The following GRM7 variants were observed in gnomAD, a reference collection of about 807,000 sequenced individuals.
GRM7 encodes glutamate metabotropic receptor 7.
Under a neutral mutation model 84.5 loss-of-function variants are expected in GRM7, and 35 were observed. The observed-to-expected ratio is 0.41, with a 90% CI of 0.32 to 0.55. The LOEUF is 0.55. Ranked by LOEUF, GRM7 falls within the 20% of genes least tolerant of loss-of-function variation. The pLI is 0.19. For synonymous variants in GRM7, 487 were observed against 455.1 expected (o/e 1.07, Z -0.89); for missense variants, 1,003 against 1,194.6 (o/e 0.84, Z 2.36).
intron 1 of GRM7, among the ~76,000 whole-genome samples, chr3:7,020,625 G>C (rs12496872): frequency 0.41 from 62,644 of 152,004 alleles, 13,979 homozygotes; most frequent in South Asian, 0.58. Context: ...ATCACAATTC[G>C]AATGAATGTA....
chr3:7,418,577 C>T (rs574277143), intron 5 of GRM7, among the ~76,000 whole-genome samples: 3 of 152,108 alleles, frequency 2.0e-5, no homozygotes, highest in African/African-American at 7.2e-5. Context: ...TTTATGTTCC[C>T]CTACCCACAG....
chr3:7,527,937 T>C (rs567192171), intron 7 of GRM7, among the ~76,000 whole-genome samples: 3 of 150,906 alleles, frequency 2.0e-5, no homozygotes, highest in South Asian at 4.2e-4. Context: ...TGGTATTTTG[T>C]TGAGAATTGC....
At chr3:7,238,807 C>T (rs1403833164) in intron 2 of GRM7, among the ~76,000 whole-genome samples, 1 of 147,012 alleles carries the variant, frequency 6.8e-6, no homozygotes, top group Non-Finnish European at 1.5e-5. Context: ...CTCTCCTCTC[C>T]TCTCCTTTTC....
chr3:7,454,456 A>G (rs1372885865), intron 6 of GRM7, among the ~76,000 whole-genome samples: 1 of 152,192 alleles, frequency 6.6e-6, no homozygotes, highest in Non-Finnish European at 1.5e-5. Flanking sequence ...AATCATAATT[A>G]TATTATAAAC....
intron 1 of GRM7, among the ~76,000 whole-genome samples, chr3:6,913,564 G>A (rs1696844522): frequency 6.6e-6 from 1 of 152,108 alleles, no homozygotes; most frequent in African/African-American, 2.4e-5. Flanking sequence ...TGGTTACGAA[G>A]TTCTTAACTT....
intron 7 of GRM7, among the ~76,000 whole-genome samples, chr3:7,501,044 A>G (rs1397003178): frequency 1.3e-5 from 2 of 152,212 alleles, no homozygotes; most frequent in African/African-American, 4.8e-5. Context: ...CACAGTATCA[A>G]TGAAGTAAAA....
intron 1 of GRM7, among the ~76,000 whole-genome samples, chr3:7,110,591 T>TCTCACACA (rs1553618428): frequency 4.4e-4 from 63 of 143,748 alleles, no homozygotes; most frequent in African/African-American, 1.6e-3. Context: ...CGATACTCTG[T>TCTCACACA]CACACACACA....
rs142026130 is a variant in GRM7 at position 7,551,911 on chromosome 3, A to G, written c.1516-26511A>G. Among the ~76,000 whole-genome samples, 15 of 152,348 alleles carry G rather than the reference A, an allele frequency of 9.8e-5. No homozygotes were observed. The East Asian group carries it at 2.7e-3, about 27-fold the overall frequency. ...AGGCTGGGGAGGCTTCAGGAGACTT[A>G]CAATACTGTCAAATGGCAAAGAGGA... On this transcript the variant is annotated intron_variant, in intron 7 of 9. Transcript: ENST00000357716.
intron 1 of GRM7, among the ~76,000 whole-genome samples, chr3:7,125,357 C>T (rs1693365919): frequency 6.6e-6 from 1 of 152,156 alleles, no homozygotes; most frequent in Non-Finnish European, 1.5e-5. Context: ...CAAGAAGAGT[C>T]TCAAAAACAA....
chr3:7,039,156 T>C (rs1696498796), intron 1 of GRM7, among the ~76,000 whole-genome samples: 1 of 152,174 alleles, frequency 6.6e-6, no homozygotes, highest in Non-Finnish European at 1.5e-5. Context: ...GAAAATGATC[T>C]CAAACAACCT....
chr3:7,018,809 T>A (rs1450142728), intron 1 of GRM7, among the ~76,000 whole-genome samples: 1 of 152,164 alleles, frequency 6.6e-6, no homozygotes, highest in Non-Finnish European at 1.5e-5. Flanking sequence ...AAAAGTAAGT[T>A]TTGTGGGCCA....
intron 7 of GRM7, among the ~76,000 whole-genome samples, chr3:7,468,802 C>T (rs1236554830): frequency 6.6e-6 from 1 of 152,156 alleles, no homozygotes; most frequent in Non-Finnish European, 1.5e-5. Context: ...CCACTGCTTT[C>T]ACTCCTTTCT....
In GRM7 at chr3:7,188,331, A is replaced by G. The variant is rs80044941; in HGVS notation, c.736+41663A>G. On this transcript the variant is annotated intron_variant, in intron 2 of 9. Coordinates refer to ENST00000357716, the MANE Select transcript of GRM7 (RefSeq NM_000844.4). The surrounding 1 kb of genome is among the most constrained non-coding windows in gnomAD (Gnocchi z 4.2). Reference sequence around the variant, plus strand: ...AGAACTTTATAGGTAGGTATGTTATATAATATAATCTGTAATTAAAACTTT... The same window carrying G: ...AGAACTTTATAGGTAGGTATGTTATGTAATATAATCTGTAATTAAAACTTT... Among the ~76,000 whole-genome samples the G allele has an allele frequency of 5.3e-5, 8 of 152,310 alleles. No individual in the cohort carries two copies. In the East Asian group the frequency reaches 1.5e-3, roughly 29 times the overall value.
chr3:6,986,120 T>C (rs1451612239), intron 1 of GRM7, among the ~76,000 whole-genome samples: 1 of 152,174 alleles, frequency 6.6e-6, no homozygotes, highest in Non-Finnish European at 1.5e-5. Flanking sequence ...CTGTACAATA[T>C]AGTAGCTATT....
At chr3:7,601,448 T>C (rs1383068646) in intron 8 of GRM7, among the ~76,000 whole-genome samples, 1 of 151,998 alleles carries the variant, frequency 6.6e-6, no homozygotes, top group Non-Finnish European at 1.5e-5. Context: ...AGTAAATAAG[T>C]ACATGTTGAA....
chr3:7,154,063 G>A (rs542103243), intron 2 of GRM7, among the ~76,000 whole-genome samples: 2 of 152,296 alleles, frequency 1.3e-5, no homozygotes, highest in Non-Finnish European at 2.9e-5. Flanking sequence ...ATACTTGAAT[G>A]TTGCAAGAGA....
intron 7 of GRM7, among the ~76,000 whole-genome samples, chr3:7,506,585 G>A (rs1700045835): frequency 6.6e-6 from 1 of 152,074 alleles, no homozygotes; most frequent in South Asian, 2.1e-4. Flanking sequence ...ATTTATAAAG[G>A]AAAAATGTTT....
intron 2 of GRM7, among the ~76,000 whole-genome samples, chr3:7,164,141 T>G (rs1186621064): frequency 2.0e-5 from 3 of 152,016 alleles, no homozygotes. Flanking sequence ...GGCAGAACAC[T>G]TGAGGCCAGG....
intron 1 of GRM7, among the ~76,000 whole-genome samples, chr3:7,090,112 G>C (rs1305278284): frequency 6.6e-6 from 1 of 151,966 alleles, no homozygotes; most frequent in Non-Finnish European, 1.5e-5. Context: ...TACAGTACTG[G>C]GATTACAGGC....
Sources: gnomAD v4.1 joint callset for allele counts (sites outside exome capture counted in the v4.1 genomes callset) on GRCh38, gnomAD v4.1.1 for gene constraint, Gnocchi (gnomAD v3.1) non-coding constraint, MANE v1.5 for transcripts, NCBI Gene and HGNC (gene_info 2026-07-23, HGNC 2026-07-21) for gene names.